Variants in GSG1L observed in about 807,000 individuals in gnomAD.
GSG1L encodes the protein GSG1 like.
GSG1L carries 24 observed loss-of-function variants against 42.1 expected under a neutral mutation model. The observed-to-expected ratio is 0.57, with a 90% CI of 0.41 to 0.80. GSG1L has a LOEUF of 0.80. Ranked by LOEUF, GSG1L falls within the 30% of genes least tolerant of loss-of-function variation. The probability of loss-of-function intolerance (pLI) is 0.00; values close to 1 mark genes in which losing one functional copy is unlikely to be tolerated. For synonymous variants in GSG1L, 215 were observed against 203.5 expected, an observed-to-expected ratio of 1.06 and a Z score of -0.48; for missense variants, 445 against 472.2, an observed-to-expected ratio of 0.94 and a Z score of 0.53.
intron 5 of GSG1L, among the ~76,000 whole-genome samples, chr16:27,818,939 T>C (rs1013276354): frequency 6.6e-6 from 1 of 152,152 alleles, no homozygotes; most frequent in Non-Finnish European, 1.5e-5. Context: ...CTCCCGTTTC[T>C]CCAATACTGG....
At chr16:27,851,861 G>A (rs887967342) in intron 3 of GSG1L, among the ~76,000 whole-genome samples, 2 of 152,170 alleles carry the variant, frequency 1.3e-5, no homozygotes, top group Admixed American at 6.5e-5. Context: ...CTGGGGAGAG[G>A]GGTGGCAGGT....
intron 1 of GSG1L, among the ~76,000 whole-genome samples, chr16:27,964,190 C>T (rs1032954030): frequency 3.3e-5 from 5 of 151,796 alleles, no homozygotes; most frequent in African/African-American, 1.2e-4. Context: ...ACTAGCTGGG[C>T]GTAGTGGCAT....
At chr16:27,964,841 GA>G (rs1200817033) in intron 1 of GSG1L, among the ~76,000 whole-genome samples, 1 of 152,084 alleles carries the variant, frequency 6.6e-6, no homozygotes, top group Non-Finnish European at 1.5e-5. Context: ...TAGTTAGAAA[GA>G]ATGAATAAGA....
intron 2 of GSG1L, among the ~76,000 whole-genome samples, chr16:27,917,216 T>A (rs949464217): frequency 1.3e-5 from 2 of 152,192 alleles, no homozygotes; most frequent in Non-Finnish European, 2.9e-5. Context: ...TATTTCCTGA[T>A]GGCCTGTTTT....
At chr16:27,814,982 T>G (rs2083078594) in intron 5 of GSG1L, among the ~76,000 whole-genome samples, 1 of 152,070 alleles carries the variant, frequency 6.6e-6, no homozygotes, top group Non-Finnish European at 1.5e-5. Flanking sequence ...CAGGCTTGTG[T>G]GCAGTGGTAC....
chr16:27,937,755 G>C lies in GSG1L; in HGVS notation c.397+25401C>G, dbSNP rs796732863. Reference sequence around the variant, plus strand: ...CAAGGACCACATCCCACTCAAACTAGCTTAACTCCAAAGGAAGTTCTGAGA... The same window carrying C: ...CAAGGACCACATCCCACTCAAACTACCTTAACTCCAAAGGAAGTTCTGAGA... On this transcript the variant is annotated intron_variant, in intron 2 of 6. Transcript: ENST00000447459. Among the ~76,000 whole-genome samples, 14 of 152,276 alleles carry C rather than the reference G, an allele frequency of 9.2e-5. 1 individual carries two copies. Among genetic ancestry groups the C allele is most frequent in the African/African-American group, 2.9e-4 (12 of 41,566 alleles).
rs182924264 is a variant in GSG1L at position 27,972,589 on chromosome 16, G to A, written c.350-9386C>T. On this transcript the variant is annotated intron_variant, in intron 1 of 6. Coordinates refer to ENST00000447459, the MANE Select transcript of GSG1L (RefSeq NM_001109763.2). ...TGTCTCTCAATCACACTTCAGACTG[G>A]GGCTTGACAATTAGATCACAGAGCT... Among the ~76,000 whole-genome samples, 19 of 152,256 alleles carry A rather than the reference G, an allele frequency of 1.2e-4. No homozygotes were observed. The East Asian group carries it at 2.9e-3, about 23-fold the overall frequency.
chr16:27,846,002 A>G (rs552674833), intron 3 of GSG1L, among the ~76,000 whole-genome samples: 3 of 152,124 alleles, frequency 2.0e-5, no homozygotes, highest in South Asian at 4.2e-4. Flanking sequence ...TCCCAGGCTC[A>G]GTTGATCCTC....
At position 27,954,919 on chromosome 16, in the gene GSG1L, C is replaced by CA. The variant is rs1456040144; in HGVS notation, c.397+8236dup. On this transcript the variant is annotated intron_variant, in intron 2 of 6. Coordinates refer to ENST00000447459, the MANE Select transcript of GSG1L (RefSeq NM_001109763.2). The stretch of plus-strand genomic sequence containing the variant: ...AAGCAATCCTCCTGCCTCAGCCTCC[C>CA]AAAGTGCTGGGATCACAGATGTGAG... Among the ~76,000 whole-genome samples the CA allele has an allele frequency of 3.3e-5, 5 of 152,288 alleles. No homozygotes were observed. In the South Asian group the frequency reaches 8.3e-4, roughly 25 times the overall value.
chr16:27,819,675 A>C (rs1286903247), intron 5 of GSG1L, among the ~76,000 whole-genome samples: 2 of 152,186 alleles, frequency 1.3e-5, no homozygotes, highest in Admixed American at 1.3e-4. Context: ...GAGATGCTGC[A>C]TGCAGGGCAA....
At chr16:27,883,185 C>T (rs1176524157) in intron 3 of GSG1L, among the ~76,000 whole-genome samples, 4 of 150,822 alleles carry the variant, frequency 2.7e-5, no homozygotes, top group Admixed American at 6.6e-5. Flanking sequence ...GAGTCTTTTT[C>T]CTTCAACTCC....
intron 1 of GSG1L, among the ~76,000 whole-genome samples, chr16:28,047,409 A>C (rs205399): frequency 0.41 from 62,401 of 151,820 alleles, 14,549 homozygotes; most frequent in East Asian, 0.69. Flanking sequence ...TTAAAAAAAA[A>C]CTAAAAATTG....
At chr16:27,795,430 C>G (rs762999164) in intron 6 of GSG1L, among the ~76,000 whole-genome samples, 1 of 152,140 alleles carries the variant, frequency 6.6e-6, no homozygotes, top group African/African-American at 2.4e-5. Flanking sequence ...TTTTTTTAAG[C>G]CGTGTGGCTT....
At chr16:27,932,185 T>G (rs917692482) in intron 2 of GSG1L, among the ~76,000 whole-genome samples, 24 of 152,180 alleles carry the variant, frequency 1.6e-4, no homozygotes, top group Non-Finnish European at 3.4e-4. Flanking sequence ...CCCAAGTAGC[T>G]GGGATTACAG....
intron 3 of GSG1L, among the ~76,000 whole-genome samples, chr16:27,852,105 T>C (rs1015025620): frequency 5.3e-5 from 8 of 152,218 alleles, no homozygotes; most frequent in African/African-American, 1.7e-4. Flanking sequence ...TGATTTATAA[T>C]AGAGTTTATT....
chr16:27,882,856 A>G (rs2083976768), intron 3 of GSG1L, among the ~76,000 whole-genome samples: 1 of 152,170 alleles, frequency 6.6e-6, no homozygotes, highest in Non-Finnish European at 1.5e-5. Flanking sequence ...CTGTAATCCC[A>G]GTGCTATGAG....
rs578250496 is a variant in GSG1L, at chr16:27,807,395, G to C, written c.898+92C>G. The C allele has an allele frequency of 1.0e-5, 10 of 995,906 alleles. No homozygotes were observed. The South Asian group carries it at 1.4e-4, about 14-fold the overall frequency. The allele number at this position is 995,906 out of a possible 1,614,324, so 61.7% of individuals were successfully genotyped here. A position where few individuals can be genotyped will look rare whatever the true frequency, so the allele number is the denominator to read the frequency against. On this transcript the variant is annotated intron_variant, in intron 6 of 6. Transcript: ENST00000447459. Reference sequence around the variant, plus strand: ...GGGAGAATGCAGGGTGCAGTGGGGGGTGGGGGCTGGCCTGACTCTTCTCCA... The same window carrying C: ...GGGAGAATGCAGGGTGCAGTGGGGGCTGGGGGCTGGCCTGACTCTTCTCCA...
intron 3 of GSG1L, among the ~76,000 whole-genome samples, chr16:27,853,226 C>G (rs1214673995): frequency 6.6e-6 from 1 of 152,206 alleles, no homozygotes; most frequent in African/African-American, 2.4e-5. Flanking sequence ...TTTCCCTGTG[C>G]CCTCTGCCCT....
At chr16:28,056,188 C>G (rs1332719351) in intron 1 of GSG1L, among the ~76,000 whole-genome samples, 2 of 152,072 alleles carry the variant, frequency 1.3e-5, no homozygotes, top group African/African-American at 4.8e-5. Flanking sequence ...TATTGCAGCA[C>G]TACTCACAAT....
Sources: allele counts gnomAD v4.1 joint callset (sites outside exome capture counted in the v4.1 genomes callset), GRCh38; gene constraint gnomAD v4.1.1; transcripts MANE v1.5; gene names NCBI Gene and HGNC (gene_info 2026-07-23, HGNC 2026-07-21).